NIPSNAP3B: variants seen among roughly 807,000 people sequenced by gnomAD.
NIPSNAP3B encodes nipsnap homolog 3B, also known as protein NipSnap homolog 3B.
NIPSNAP3B carries 30 observed loss-of-function variants against 31.5 expected under a neutral mutation model. The ratio of observed to expected loss-of-function variants is 0.95; its 90% CI spans 0.71 to 1.29. The LOEUF (loss-of-function observed/expected upper bound fraction) is 1.29, where lower values mean the gene tolerates loss of function less well. Ranked by LOEUF, NIPSNAP3B falls within the 50% of genes most tolerant of loss-of-function variation. The pLI, the probability that NIPSNAP3B is intolerant of heterozygous loss-of-function variation, is 0.00. For missense variants in NIPSNAP3B, 269 were observed against 300.7 expected, an observed-to-expected ratio of 0.89 and a Z score of 0.78; for synonymous variants, 106 against 107.9, an observed-to-expected ratio of 0.98 and a Z score of 0.11.
intron 2 of NIPSNAP3B, 87 bp downstream of exon 2, chr9:104,766,622 C>T (rs1588166295): frequency 2.4e-6 from 3 of 1,238,412 alleles, no homozygotes; most frequent in East Asian, 4.7e-5. Flanking sequence ...TCTATATTAC[C>T]ATAGATACAT....
chr9:104,783,477 A>C, the NIPSNAP3B span: 1 of 152,302 alleles, frequency 6.6e-6, no homozygotes. Context: ...TGGCTTCAGC[A>C]GCTTGCAGCC....
At chr9:104,781,655 A>G (rs2118822680), downstream of NIPSNAP3B, 1 of 152,738 alleles carries the variant, frequency 6.5e-6, no homozygotes, top group Middle Eastern at 3.4e-3. Context: ...TTTTTTAACA[A>G]TGAATTGTGC....
chr9:104,771,555 T>A (rs1420669443), intron 4 of NIPSNAP3B, among the ~76,000 whole-genome samples: 3 of 152,212 alleles, frequency 2.0e-5, no homozygotes, highest in African/African-American at 7.2e-5. Flanking sequence ...ATCTGGTTCT[T>A]TTTTATGGCT....
At chr9:104,784,645 GA>G in the NIPSNAP3B span, among the ~76,000 whole-genome samples, 1 of 151,618 alleles carries the variant, frequency 6.6e-6, no homozygotes, top group African/African-American at 2.4e-5. Context: ...CTTAAAAATA[GA>G]CTTTTTTTCC....
chr9:104,775,646 T>C lies in NIPSNAP3B; in HGVS notation c.*2573T>C, dbSNP rs1028763218. On this transcript the variant is annotated 3_prime_UTR_variant, in exon 6 of 6. Coordinates refer to ENST00000374762, the MANE Select transcript of NIPSNAP3B (RefSeq NM_018376.4). ...CAAATTCACACATGTGAATTTGAAT[T>C]CCAGGCTCATCACATCCAGGTGTGT... is the stretch of plus-strand genomic sequence containing the variant. Among the ~76,000 whole-genome samples the C allele has an allele frequency of 1.3e-5, 2 of 152,178 alleles. No individual in the cohort carries two copies. The highest frequency in any genetic ancestry group is 2.4e-5 in the African/African-American group (1 of 41,440).
chr9:104,788,012 C>T, the NIPSNAP3B span: 1 of 1,614,196 alleles, frequency 6.2e-7, no homozygotes, highest in South Asian at 1.1e-5. Flanking sequence ...TATTTTTCTC[C>T]ATACTTCACG....
intron 4 of NIPSNAP3B, 52 bp downstream of exon 4, chr9:104,771,050 G>T: frequency 6.7e-7 from 1 of 1,488,634 alleles, no homozygotes; most frequent in Non-Finnish European, 9.1e-7. Context: ...AGATCAGTTC[G>T]TCTCTCTTTT....
the NIPSNAP3B span, chr9:104,785,444 C>T: frequency 6.2e-7 from 1 of 1,609,980 alleles, no homozygotes; most frequent in African/African-American, 1.3e-5. Context: ...TGTGGAGTCG[C>T]TTTTTGCTCT....
the NIPSNAP3B span, chr9:104,787,895 G>C: frequency 6.2e-7 from 1 of 1,613,936 alleles, no homozygotes; most frequent in Non-Finnish European, 8.5e-7. Flanking sequence ...CAGAACAACA[G>C]TTTTCCATCC....
chr9:104,770,372 A>G (rs1409229787), intron 3 of NIPSNAP3B, among the ~76,000 whole-genome samples: 1 of 152,168 alleles, frequency 6.6e-6, no homozygotes, highest in Non-Finnish European at 1.5e-5. Context: ...GGTCAACTAG[A>G]AATAGAATCC....
the NIPSNAP3B span, chr9:104,783,473 C>T: frequency 6.6e-6 from 1 of 152,310 alleles, no homozygotes; most frequent in Non-Finnish European, 1.5e-5. Flanking sequence ...GCCCTGGCTT[C>T]AGCAGCTTGC....
chr9:104,783,023 C>CA, the NIPSNAP3B span: 1 of 152,482 alleles, frequency 6.6e-6, no homozygotes. Flanking sequence ...AGCATACACT[C>CA]AAAAAATATT....
chr9:104,787,973 G>A, the NIPSNAP3B span: 8 of 1,614,194 alleles, frequency 5.0e-6, no homozygotes, highest in Non-Finnish European at 4.2e-6. Flanking sequence ...GAGAGCTTGC[G>A]TTTGTTGCCT....
rs1020812860 is a variant in NIPSNAP3B at position 104,773,770 on chromosome 9, G to A, written c.*697G>A. 1 of 152,040 alleles carries A rather than the reference G, an allele frequency of 6.6e-6. No individual in the cohort carries two copies. The highest frequency in any genetic ancestry group is 1.5e-5 in the Non-Finnish European group (1 of 67,988). The allele number at this position is 152,040 out of a possible 1,614,324, so 9.4% of individuals were successfully genotyped here. On this transcript the variant is annotated 3_prime_UTR_variant, in exon 6 of 6. Coordinates refer to ENST00000374762, the MANE Select transcript of NIPSNAP3B (RefSeq NM_018376.4). ...AGTTTGGATCACTAACAGAGATCTT[G>A]GGACATTTATTTGTTTTAAAGAAAT...
intron 1 of NIPSNAP3B, among the ~76,000 whole-genome samples, chr9:104,766,034 G>A (rs997978105): frequency 2.6e-5 from 4 of 152,216 alleles, no homozygotes; most frequent in South Asian, 4.1e-4. Context: ...GTAGTTCTTC[G>A]GTAAAGGAGT....
the NIPSNAP3B span, chr9:104,788,517 T>G: frequency 1.2e-6 from 2 of 1,614,088 alleles, no homozygotes; most frequent in Non-Finnish European, 8.5e-7. Flanking sequence ...GGCATCAAAC[T>G]GAGGGCAGTA....
rs3214514 is a variant in NIPSNAP3B at position 104,764,135 on chromosome 9, TGA to T, written c.-104_-103del. 4,454 of 1,070,458 alleles carry T rather than the reference TGA, an allele frequency of 4.2e-3. 199 individuals are homozygous for T. The East Asian group carries it at 0.095, about 23-fold the overall frequency. 66.3% of individuals were successfully genotyped at this position (1,070,458 alleles called of 1,614,324 possible). On this transcript the variant is annotated 5_prime_UTR_variant, in exon 1 of 6. Transcript: ENST00000374762. ...GACCCCGCCGAGTCCCGCCCCTGCC[TGA>T]GTTCGCCAGTGGTCCAGGAGCCGCT...
At chr9:104,771,079 T>C in intron 4 of NIPSNAP3B, 81 bp downstream of exon 4, 1 of 1,282,290 alleles carries the variant, frequency 7.8e-7, no homozygotes, top group Non-Finnish European at 1.1e-6. Context: ...GTACCTGTTT[T>C]AATTTTTATC....
downstream of NIPSNAP3B, among the ~76,000 whole-genome samples, chr9:104,778,212 A>C (rs1362584304): frequency 6.6e-6 from 1 of 152,090 alleles, no homozygotes; most frequent in Non-Finnish European, 1.5e-5. Context: ...CGAGGCTTAA[A>C]TATATACGTA....
Sources: allele counts gnomAD v4.1 joint callset (sites outside exome capture counted in the v4.1 genomes callset), GRCh38; gene constraint gnomAD v4.1.1; transcripts MANE v1.5; gene names NCBI Gene and HGNC (gene_info 2026-07-23, HGNC 2026-07-21).